Variants in ZC3H12B observed in about 807,000 individuals in gnomAD.
ZC3H12B encodes the protein probable ribonuclease ZC3H12B.
In ZC3H12B, 7 loss-of-function variants were observed where a neutral mutation model predicts 43.9. The observed-to-expected ratio is 0.16, with a 90% CI of 0.09 to 0.30. The LOEUF (loss-of-function observed/expected upper bound fraction) is 0.30, where lower values mean the gene tolerates loss of function less well. ZC3H12B is among the 10% of genes least tolerant of loss of function. The pLI, the probability that ZC3H12B is intolerant of heterozygous loss-of-function variation, is 1.00. For synonymous variants in ZC3H12B, 222 were observed against 241.7 expected (o/e 0.92, Z 0.76); for missense variants, 475 against 670.2 (o/e 0.71, Z 3.22).
At chrX:65,216,566 C>T in the ZC3H12B span, among the ~76,000 whole-genome samples, 1 of 111,408 alleles carries the variant, frequency 9.0e-6, no homozygotes, top group East Asian at 2.8e-4. Context: ...CTTGGAAAAG[C>T]CCTGGTACGG....
the ZC3H12B span, among the ~76,000 whole-genome samples, chrX:65,081,839 C>T: frequency 8.9e-6 from 1 of 111,902 alleles, no homozygotes; most frequent in South Asian, 3.7e-4. Context: ...CATTCTTTTT[C>T]TCAGCACATA....
the ZC3H12B span, among the ~76,000 whole-genome samples, chrX:65,204,956 G>A: frequency 1.8e-5 from 2 of 111,729 alleles, no homozygotes; most frequent in Non-Finnish European, 3.8e-5. Context: ...AGACAATTTA[G>A]TGTTAGTATT....
the ZC3H12B span, among the ~76,000 whole-genome samples, chrX:65,227,904 A>C: frequency 5.4e-5 from 6 of 111,642 alleles, no homozygotes; most frequent in Non-Finnish European, 9.4e-5. Context: ...GCTTACCAAC[A>C]AAAAAGAGAC....
the ZC3H12B span, among the ~76,000 whole-genome samples, chrX:65,203,166 A>G: frequency 8.9e-6 from 1 of 112,027 alleles, no homozygotes; most frequent in Non-Finnish European, 1.9e-5. Flanking sequence ...AGGGCATGCC[A>G]GAAATGCCAT....
chrX:65,351,657 G>T, the ZC3H12B span, among the ~76,000 whole-genome samples: 2 of 112,378 alleles, frequency 1.8e-5, no homozygotes, highest in South Asian at 7.3e-4. Context: ...GTGGGTGAAG[G>T]ATATGAACAG....
the ZC3H12B span, among the ~76,000 whole-genome samples, chrX:65,290,076 C>T: frequency 2.7e-5 from 3 of 110,484 alleles, no homozygotes; most frequent in East Asian, 8.5e-4. Context: ...TATTTCCAAC[C>T]TATTTATCTG....
At chrX:65,432,207 G>T (rs1475259436) in intron 3 of ZC3H12B, among the ~76,000 whole-genome samples, 1 of 111,575 alleles carries the variant, frequency 9.0e-6, no homozygotes, top group African/African-American at 3.3e-5. Flanking sequence ...TGCTGTATAT[G>T]TTCAACTCTG....
chrX:65,486,018 T>G (rs1339124747), upstream of ZC3H12B, among the ~76,000 whole-genome samples: 1 of 112,071 alleles, frequency 8.9e-6, no homozygotes, highest in Non-Finnish European at 1.9e-5. Context: ...TTGAATGAAT[T>G]AAGTAATGTC....
intron 2 of ZC3H12B, among the ~76,000 whole-genome samples, chrX:65,382,166 C>T: frequency 9.0e-6 from 1 of 111,146 alleles, no homozygotes; most frequent in Non-Finnish European, 1.9e-5. Context: ...GAATTTTAGA[C>T]CAATATGCTT....
intron 3 of ZC3H12B, among the ~76,000 whole-genome samples, chrX:65,443,315 T>A (rs2067329115): frequency 9.0e-6 from 1 of 110,801 alleles, no homozygotes. Context: ...CAACCTGGAT[T>A]CGAGCCCCCA....
chrX:65,380,261 A>G (rs1252817409), intron 2 of ZC3H12B, among the ~76,000 whole-genome samples: 4 of 112,433 alleles, frequency 3.6e-5, no homozygotes, highest in African/African-American at 9.7e-5. Context: ...CAGATCTCTC[A>G]GCAGAAACTC....
chrX:65,196,270 C>A, the ZC3H12B span, among the ~76,000 whole-genome samples: 2 of 109,683 alleles, frequency 1.8e-5, no homozygotes, highest in African/African-American at 6.6e-5. Context: ...TGAGGACCGC[C>A]CTCATGAGGA....
At chrX:65,155,191 C>A in the ZC3H12B span, among the ~76,000 whole-genome samples, 1 of 110,583 alleles carries the variant, frequency 9.0e-6, no homozygotes, top group South Asian at 3.9e-4. Flanking sequence ...CTCTTGAACT[C>A]AAGCCATCTG....
chrX:65,125,223 C>A, the ZC3H12B span, among the ~76,000 whole-genome samples: 1 of 111,478 alleles, frequency 9.0e-6, no homozygotes, highest in African/African-American at 3.2e-5. Flanking sequence ...AAATTTTTGT[C>A]TTGATTTCAT....
chrX:65,165,001 C>T, the ZC3H12B span, among the ~76,000 whole-genome samples: 3 of 111,565 alleles, frequency 2.7e-5, no homozygotes, highest in Non-Finnish European at 5.7e-5. Flanking sequence ...GATGAGAAAA[C>T]TTAAAAGAAA....
At chrX:65,354,836 A>T in the ZC3H12B span, among the ~76,000 whole-genome samples, 5 of 112,175 alleles carry the variant, frequency 4.5e-5, no homozygotes, top group African/African-American at 1.3e-4. Context: ...AAACAGCCAA[A>T]TTGATAAAGT....
chrX:65,503,205 G>A lies in ZC3H12B; in HGVS notation c.2507G>A (p.Arg836His), dbSNP rs1375878082. 6 of 1,184,872 alleles carry A rather than the reference G, an allele frequency of 5.1e-6. No homozygotes were observed. Among genetic ancestry groups the A allele is most frequent in the African/African-American group, 1.8e-5 (1 of 56,549 alleles). ...ATTGTTGCTAAGCTTAGGGCTGCAC[G>A]TTGATATGACATAGTACTTATTTCT... The change falls in exon 5 of 5, where the codon CGT (arginine) becomes CAT (histidine). Residue 836 changes from arginine (R) to histidine (H), a missense_variant. This residue lies in a region of ZC3H12B where 289 missense variants were observed against 359.9 expected (regional missense o/e 0.80). Coordinates refer to ENST00000338957, the Ensembl canonical transcript of ZC3H12B.
the ZC3H12B span, among the ~76,000 whole-genome samples, chrX:65,287,279 T>A: frequency 8.9e-6 from 1 of 111,752 alleles, no homozygotes; most frequent in Non-Finnish European, 1.9e-5. Flanking sequence ...GTAGATAATA[T>A]TTGGGGCACA....
the ZC3H12B span, among the ~76,000 whole-genome samples, chrX:65,125,732 G>A: frequency 1.8e-5 from 2 of 110,514 alleles, no homozygotes; most frequent in East Asian, 2.9e-4. Context: ...TTCCTTCTTT[G>A]TCTATTAAAC....
Sources: gnomAD v4.1 joint callset for allele counts (sites outside exome capture counted in the v4.1 genomes callset) on GRCh38, gnomAD v4.1.1 for gene constraint, gnomAD v4.1.1 regional missense constraint, MANE v1.5 for transcripts, NCBI Gene and HGNC (gene_info 2026-07-23, HGNC 2026-07-21) for gene names.